FAM3B: variants seen among roughly 807,000 people sequenced by gnomAD.
FAM3B encodes protein FAM3B.
FAM3B carries 29 observed loss-of-function variants against 28.4 expected under a neutral mutation model. The ratio of observed to expected loss-of-function variants is 1.02; its 90% confidence interval spans 0.76 to 1.39. FAM3B has a LOEUF of 1.39. FAM3B is among the 40% of genes most tolerant of loss of function. The pLI is 0.00. For missense variants in FAM3B, 266 were observed against 293.9 expected (o/e 0.91, Z 0.69); for synonymous variants, 91 against 103.0 (o/e 0.88, Z 0.71).
rs754005079 is a variant in FAM3B, at chr21:41,322,882, A to G, written c.20-41A>G. 1.9e-6 allele frequency: 3 copies of G among 1,614,144 alleles called. No homozygotes were observed. The South Asian group carries it at 3.3e-5, about 18-fold the overall frequency. On this transcript the variant is annotated intron_variant, in intron 1 of 7. Coordinates refer to ENST00000357985, the MANE Select transcript of FAM3B (RefSeq NM_058186.4). Reference sequence around the variant, plus strand: ...GGGAGGGCCAAGGGCCAGGGCCGCCACCAAGTCGTTCACAGCAGCTGCTTG... The same window carrying G: ...GGGAGGGCCAAGGGCCAGGGCCGCCGCCAAGTCGTTCACAGCAGCTGCTTG...
intron 2 of FAM3B, among the ~76,000 whole-genome samples, chr21:41,331,690 CTG>C (rs2088906856): frequency 6.6e-6 from 1 of 152,168 alleles, no homozygotes; most frequent in Non-Finnish European, 1.5e-5. Context: ...ATTGAAGAGA[CTG>C]TCCTTTCTCC....
intron 1 of FAM3B, among the ~76,000 whole-genome samples, chr21:41,305,920 T>A (rs117634113): frequency 0.014 from 2,112 of 152,356 alleles, 124 homozygotes; most frequent in Admixed American, 0.1. Flanking sequence ...GCATGCAATG[T>A]TGTTTGATAG....
chr21:41,347,929 T>C (rs975278713), intron 6 of FAM3B, among the ~76,000 whole-genome samples: 2 of 152,174 alleles, frequency 1.3e-5, no homozygotes, highest in African/African-American at 4.8e-5. Context: ...GTGTGGTGAA[T>C]TTCCCAGACA....
chr21:41,347,178 C>A, intron 6 of FAM3B, 78 bp downstream of exon 6: 1 of 1,189,566 alleles, frequency 8.4e-7, no homozygotes. Context: ...CTCTCAGTGA[C>A]ATCCTCTGGG....
In FAM3B at chr21:41,347,048, G is replaced by A. The variant is rs753872210; in HGVS notation, c.433G>A (p.Ala145Thr). The A allele has an allele frequency of 2.2e-5, 35 of 1,614,030 alleles. No homozygotes were observed. The highest frequency in any genetic ancestry group is 1.5e-4 in the Admixed American group (9 of 60,002). The part of the protein sequence containing the change: ...SGPMTKFIQS[A>T]APKSLLFMVT... ...ACCGATGACAAAGTTTATTCAGAGT[G>A]CTGCTCCAAAATCCCTGCTCTTCAT... Residue 145 changes from alanine to threonine, a missense_variant, in exon 6 of 8, where the codon GCT (alanine) becomes ACT (threonine). By Grantham distance (58) the Ala-to-Thr change is moderately conservative. Coordinates refer to ENST00000357985, the MANE Select transcript of FAM3B (RefSeq NM_058186.4).
chr21:41,348,989 A>G (rs2089090054), intron 7 of FAM3B, among the ~76,000 whole-genome samples: 1 of 152,204 alleles, frequency 6.6e-6, no homozygotes, highest in African/African-American at 2.4e-5. Context: ...TTCCTTGGGC[A>G]GGAGGTTTAC....
At position 41,336,829 on chromosome 21, in the gene FAM3B, C is replaced by T. The variant is rs534831099; in HGVS notation, c.164-1549C>T. Among the ~76,000 whole-genome samples, 355 of 152,212 alleles carry T rather than the reference C, an allele frequency of 2.3e-3. 1 individual carries two copies. The highest frequency in any genetic ancestry group is 8.3e-3 in the African/African-American group (343 of 41,532). ...TCACTCCTTTATTATCATATAATTA[C>T]CATCTTTGTCTTTTTTAAAAGTTTG... On this transcript the variant is annotated intron_variant, in intron 2 of 7. Transcript: ENST00000357985.
At position 41,347,082 on chromosome 21, in the gene FAM3B, A is replaced by G. The variant is rs942382717; in HGVS notation, c.467A>G (p.Tyr156Cys). Residue 156 changes from tyrosine (Y) to cysteine (C), a missense_variant, in exon 6 of 8, where the codon TAT becomes TGT. Physicochemically the swap from Tyr to Cys is radical, Grantham distance 194 (BLOSUM62 -2). Coordinates refer to ENST00000357985, the MANE Select transcript of FAM3B (RefSeq NM_058186.4). ...AAATCCCTGCTCTTCATGGTGACCT[A>G]TGACGACGGAAGCACAAGGTGAGTG... is the stretch of plus-strand genomic sequence containing the variant. Reference protein sequence around the residue: ...APKSLLFMVTYDDGSTRLNND... With the variant: ...APKSLLFMVTCDDGSTRLNND... 2 of 1,614,148 alleles carry G rather than the reference A, an allele frequency of 1.2e-6. No homozygotes were observed. Among genetic ancestry groups the G allele is most frequent in the Middle Eastern group, 1.6e-4 (1 of 6,062 alleles).
At chr21:41,325,796 G>A (rs1429270323) in intron 2 of FAM3B, among the ~76,000 whole-genome samples, 2 of 152,182 alleles carry the variant, frequency 1.3e-5, no homozygotes, top group African/African-American at 2.4e-5. Flanking sequence ...TCTGGGGAAA[G>A]CCACCAGGAG....
upstream of FAM3B, among the ~76,000 whole-genome samples, chr21:41,312,681 G>GT (rs1414176001): frequency 1.3e-5 from 2 of 152,224 alleles, no homozygotes; most frequent in African/African-American, 4.8e-5. Flanking sequence ...TGTAAGTTAT[G>GT]AAGCAGAAAA....
chr21:41,327,903 A>G (rs902462873), intron 2 of FAM3B, among the ~76,000 whole-genome samples: 1 of 152,172 alleles, frequency 6.6e-6, no homozygotes, highest in African/African-American at 2.4e-5. Flanking sequence ...CTCTGTGAGT[A>G]AGTGCACCAC....
In FAM3B at chr21:41,322,482, A is replaced by G. The variant is rs570219348; in HGVS notation, c.20-441A>G. 1.9e-4 allele frequency: 129 copies of G among 670,724 alleles called. No individual in the cohort carries two copies. In the East Asian group the frequency reaches 3.4e-3, roughly 18 times the overall value. The allele number at this position is 670,724 out of a possible 1,614,324, so 41.5% of individuals were successfully genotyped here. A position where few individuals can be genotyped will look rare whatever the true frequency, so the allele number is the denominator to read the frequency against. On this transcript the variant is annotated intron_variant, in intron 1 of 7. Coordinates refer to ENST00000357985, the MANE Select transcript of FAM3B (RefSeq NM_058186.4). ...CCCAGTGCTGGTGATATGGAAATCA[A>G]CAAAACAGACAGAGCTTTACCCCTG...
At chr21:41,319,663 G>T (rs1360035198) in intron 1 of FAM3B, 2 of 152,378 alleles carry the variant, frequency 1.3e-5, no homozygotes, top group Admixed American at 1.3e-4. Flanking sequence ...CTACTGCCTG[G>T]TGTCTGAGCC....
intron 5 of FAM3B, among the ~76,000 whole-genome samples, chr21:41,346,766 C>T (rs1454575906): frequency 6.6e-6 from 1 of 152,142 alleles, no homozygotes; most frequent in Non-Finnish European, 1.5e-5. Flanking sequence ...GCCCTGAACA[C>T]CTATTGCAAG....
Position 41,344,496 on chromosome 21 carries a change from G to A in FAM3B, c.308G>A (p.Gly103Glu). Residue 103 changes from glycine to glutamate, a missense_variant, in exon 4 of 8, where the codon GGA becomes GAA. Physicochemically the swap from Gly to Glu is moderately conservative, Grantham distance 98. Coordinates refer to ENST00000357985, the MANE Select transcript of FAM3B (RefSeq NM_058186.4). ...TTCAGACTTATGGGAGAACAGCTGG[G>A]AAATGTTGCCAGAGGAATAAACATT... ...EDNLLMGEQL[G>E]NVARGINIAI... 6.2e-7 allele frequency: 1 copy of A among 1,614,160 alleles called. No homozygotes were observed. Among genetic ancestry groups the A allele is most frequent in the South Asian group, 1.1e-5 (1 of 91,082 alleles).
intron 3 of FAM3B, among the ~76,000 whole-genome samples, chr21:41,344,059 G>C (rs117006037): frequency 6.6e-6 from 1 of 152,190 alleles, no homozygotes; most frequent in East Asian, 1.9e-4. Flanking sequence ...GGCAGAGGTT[G>C]CAGTGAGCCA....
chr21:41,341,795 GTGCACA>G (rs2089009301), intron 3 of FAM3B, among the ~76,000 whole-genome samples: 1 of 152,144 alleles, frequency 6.6e-6, no homozygotes, highest in South Asian at 2.1e-4. Flanking sequence ...ATGTCTCTTG[GTGCACA>G]TGCACATACA....
intron 3 of FAM3B, 140 bp downstream of exon 3, chr21:41,338,641 G>A: frequency 8.9e-7 from 1 of 1,118,990 alleles, no homozygotes; most frequent in Non-Finnish European, 1.2e-6. Flanking sequence ...GAGCATCCAA[G>A]TGGAAATGAG....
At chr21:41,331,496 C>A (rs948766843) in intron 2 of FAM3B, among the ~76,000 whole-genome samples, 13 of 152,174 alleles carry the variant, frequency 8.5e-5, no homozygotes, top group African/African-American at 3.1e-4. Context: ...AGGGCATATT[C>A]CCCAAATCAT....
Sources: allele counts gnomAD v4.1 joint callset (sites outside exome capture counted in the v4.1 genomes callset), GRCh38; gene constraint gnomAD v4.1.1; transcripts MANE v1.5; gene names NCBI Gene and HGNC (gene_info 2026-07-23, HGNC 2026-07-21).